PHC2: variants seen among roughly 807,000 people sequenced by gnomAD.
The protein encoded by PHC2 is polyhomeotic-like protein 2.
A neutral mutation model predicts 87.4 loss-of-function variants in PHC2; 29 were observed. That is an observed-to-expected ratio of 0.33 (90% CI 0.25 to 0.45). The LOEUF is 0.45. PHC2 is among the 20% of genes least tolerant of loss of function. The probability of loss-of-function intolerance (pLI) is 1.00; values close to 1 mark genes in which losing one functional copy is unlikely to be tolerated. For synonymous variants in PHC2, 438 were observed against 461.7 expected (o/e 0.95, Z 0.66); for missense variants, 857 against 1,136.7 (o/e 0.75, Z 3.54).
Position 33,382,618 on chromosome 1 carries a change from A to C in PHC2, c.-54-7025T>G, listed in dbSNP as rs914178771. Among the ~76,000 whole-genome samples the C allele has an allele frequency of 6.6e-6, 1 of 152,052 alleles. No individual in the cohort carries two copies. Among genetic ancestry groups the C allele is most frequent in the Non-Finnish European group, 1.5e-5 (1 of 68,016 alleles). ...TGAGCCCGGGCTCTGAAGGGCTATG[A>C]TTCCTATTTAAGTCACTTCTCCCCT... On this transcript the variant is annotated intron_variant, in intron 1 of 14. Coordinates refer to ENST00000683057, the MANE Select transcript of PHC2 (RefSeq NM_001385109.1). This position sits in a 1 kb window ranked among gnomAD's most constrained non-coding sequence, Gnocchi z 4.3.
intron 1 of PHC2, among the ~76,000 whole-genome samples, chr1:33,402,021 T>C (rs1049596863): frequency 6.6e-6 from 1 of 152,084 alleles, no homozygotes; most frequent in African/African-American, 2.4e-5. Context: ...AAAGGCATAA[T>C]AACAAGCCTT....
chr1:33,422,115 C>A (rs1650457664), intron 1 of PHC2, among the ~76,000 whole-genome samples: 1 of 152,356 alleles, frequency 6.6e-6, no homozygotes, highest in Admixed American at 6.5e-5. Flanking sequence ...CAAGCAAATA[C>A]AACCTCACCT....
rs10672975 is a variant in PHC2, at chr1:33,364,413, C to CGCAT, written c.976+2702_976+2703insATGC. 2.7e-5 allele frequency among the ~76,000 whole-genome samples: 4 copies of CGCAT among 150,298 alleles called. No homozygotes were observed. Among genetic ancestry groups the CGCAT allele is most frequent in the African/African-American group, 9.9e-5 (4 of 40,496 alleles). Reference sequence around the variant, plus strand: ...TTTCACACACACACACACACACACACACACACACACACGCTCAAGCACGCT... The same window carrying CGCAT: ...TTTCACACACACACACACACACACACGCATACACACACACACGCTCAAGCACGCT... On this transcript the variant is annotated intron_variant, in intron 7 of 14. Transcript: ENST00000683057. This position sits in a 1 kb window ranked among gnomAD's most constrained non-coding sequence, Gnocchi z 4.1.
At position 33,351,585 on chromosome 1, in the gene PHC2, G is replaced by C. The variant is rs77261092; in HGVS notation, c.1558+2816C>G. ...TTCAAGTAGACCTTCAGCTCTTGAGGTGGGGTACAGACCGTGTTTCTCAGT... is the reference window on the plus strand; with the variant it reads ...TTCAAGTAGACCTTCAGCTCTTGAGCTGGGGTACAGACCGTGTTTCTCAGT... On this transcript the variant is annotated intron_variant, in intron 9 of 14. Transcript: ENST00000683057. 7.9e-4 allele frequency among the ~76,000 whole-genome samples: 121 copies of C among 152,222 alleles called. 2 individuals are homozygous for C. In the East Asian group the frequency reaches 0.021, roughly 27 times the overall value.
At chr1:33,371,438 C>T (rs1007954899) in intron 3 of PHC2, among the ~76,000 whole-genome samples, 11 of 152,142 alleles carry the variant, frequency 7.2e-5, no homozygotes, top group African/African-American at 2.7e-4. Flanking sequence ...CCACCACCAT[C>T]ACACCTGGCC....
At chr1:33,355,332 A>G in intron 7 of PHC2, 79 bp from the exon 8 acceptor site, 1 of 1,325,006 alleles carries the variant, frequency 7.5e-7, no homozygotes, top group Non-Finnish European at 1.0e-6. Flanking sequence ...CCCCTCCCGC[A>G]TCCAAATAAA....
intron 1 of PHC2, among the ~76,000 whole-genome samples, chr1:33,379,343 ACCG>A (rs1648360881): frequency 6.4e-5 from 1 of 15,562 alleles, no homozygotes; most frequent in Non-Finnish European, 1.2e-4. Context: ...CCACCCCCCC[ACCG>A]CCCCCTGCCC....
At chr1:33,376,655 G>T (rs967612165) in intron 1 of PHC2, among the ~76,000 whole-genome samples, 26 of 152,218 alleles carry the variant, frequency 1.7e-4, no homozygotes, top group African/African-American at 6.3e-4. Context: ...AGAAGGCCGG[G>T]TGCGGTGGCT....
chr1:33,413,142 T>C (rs570195523), intron 1 of PHC2, among the ~76,000 whole-genome samples: 2 of 152,254 alleles, frequency 1.3e-5, no homozygotes, highest in South Asian at 4.2e-4. Context: ...AATTTTTGTA[T>C]TTTTGGTAGA....
intron 1 of PHC2, among the ~76,000 whole-genome samples, chr1:33,418,205 AG>A (rs1019710733): frequency 1.3e-5 from 2 of 152,132 alleles, no homozygotes; most frequent in African/African-American, 4.8e-5. Flanking sequence ...AGCAAACAAA[AG>A]GAAGGAAATA....
chr1:33,357,932 T>C (rs1281841558), intron 7 of PHC2, among the ~76,000 whole-genome samples: 1 of 152,148 alleles, frequency 6.6e-6, no homozygotes, highest in Non-Finnish European at 1.5e-5. Flanking sequence ...GAGCTGGAGA[T>C]GGTTCCAGGT....
At chr1:33,410,596 T>C (rs1393838139) in intron 1 of PHC2, among the ~76,000 whole-genome samples, 1 of 152,216 alleles carries the variant, frequency 6.6e-6, no homozygotes, top group African/African-American at 2.4e-5. Flanking sequence ...ACTCATCTGC[T>C]TGATTCAATT....
intron 1 of PHC2, among the ~76,000 whole-genome samples, chr1:33,379,356 C>T (rs1291921416): frequency 1.5e-5 from 1 of 64,612 alleles, no homozygotes; most frequent in Non-Finnish European, 3.1e-5. Context: ...GCCCCCTGCC[C>T]CCCCCATCCC....
chr1:33,335,773 G>A (rs1465535616), intron 9 of PHC2, among the ~76,000 whole-genome samples: 1 of 151,900 alleles, frequency 6.6e-6, no homozygotes, highest in Non-Finnish European at 1.5e-5. Flanking sequence ...GGTGGTGCGT[G>A]CCTGTAATCC....
intron 1 of PHC2, among the ~76,000 whole-genome samples, chr1:33,427,240 T>C (rs1650710393): frequency 1.3e-5 from 2 of 152,220 alleles, no homozygotes; most frequent in Non-Finnish European, 2.9e-5. Context: ...GCACGATGCC[T>C]AGCACATAGT....
chr1:33,372,068 G>A (rs1487491542), intron 3 of PHC2, among the ~76,000 whole-genome samples: 1 of 152,222 alleles, frequency 6.6e-6, no homozygotes, highest in African/African-American at 2.4e-5. Context: ...TTCTTCCATG[G>A]GCTAGCATTC....
intron 7 of PHC2, among the ~76,000 whole-genome samples, chr1:33,360,562 G>A (rs1449289719): frequency 6.6e-6 from 1 of 152,168 alleles, no homozygotes; most frequent in Non-Finnish European, 1.5e-5. Context: ...AGTATCAAAT[G>A]GACTATTTTG....
intron 9 of PHC2, chr1:33,335,327 C>G (rs767493677): frequency 1.0e-6 from 1 of 985,374 alleles, no homozygotes; most frequent in Non-Finnish European, 1.2e-6. Flanking sequence ...TCAACTGCCC[C>G]GTGAGCTGAG....
chr1:33,342,102 G>T (rs1455293643), intron 9 of PHC2, among the ~76,000 whole-genome samples: 1 of 148,122 alleles, frequency 6.8e-6, no homozygotes, highest in Non-Finnish European at 1.5e-5. Context: ...GCACAGGAGG[G>T]TCACTGGCTG....
Sources: allele counts gnomAD v4.1 joint callset (sites outside exome capture counted in the v4.1 genomes callset), GRCh38; gene constraint gnomAD v4.1.1; non-coding constraint Gnocchi (gnomAD v3.1); transcripts MANE v1.5; gene names NCBI Gene and HGNC (gene_info 2026-07-23, HGNC 2026-07-21).